ADGRB3: variants seen among roughly 807,000 people sequenced by gnomAD.
ADGRB3 encodes adhesion G protein-coupled receptor B3, also known as brain-specific angiogenesis inhibitor 3.
ADGRB3 carries 37 observed loss-of-function variants against 193.4 expected under a neutral mutation model. The ratio of observed to expected loss-of-function variants is 0.19; its 90% CI spans 0.15 to 0.25. The LOEUF (loss-of-function observed/expected upper bound fraction) is 0.25, where lower values mean the gene tolerates loss of function less well. Ranked by LOEUF, ADGRB3 falls within the 10% of genes least tolerant of loss-of-function variation. The pLI is 1.00. For synonymous variants in ADGRB3, 690 were observed against 644.2 expected (o/e 1.07, Z -1.08); for missense variants, 1,637 against 1,852.9 (o/e 0.88, Z 2.14).
chr6:69,288,549 A>G (rs1767600687), intron 20 of ADGRB3, among the ~76,000 whole-genome samples: 1 of 152,174 alleles, frequency 6.6e-6, no homozygotes, highest in African/African-American at 2.4e-5. Context: ...TTTATTGCTT[A>G]CCATTCTCCA....
chr6:68,724,897 G>C (rs1765646858), intron 3 of ADGRB3, among the ~76,000 whole-genome samples: 1 of 151,636 alleles, frequency 6.6e-6, no homozygotes, highest in African/African-American at 2.4e-5. Context: ...TTATAACAAA[G>C]GCATGTTTGC....
At chr6:68,837,782 G>A (rs113467906) in intron 3 of ADGRB3, among the ~76,000 whole-genome samples, 345 of 152,282 alleles carry the variant, frequency 2.3e-3, no homozygotes, top group African/African-American at 7.9e-3. Context: ...TTCCCTCTGA[G>A]TGGATTTATC....
chr6:69,263,638 AAGTC>A (rs370724151), intron 20 of ADGRB3, among the ~76,000 whole-genome samples: 70 of 152,110 alleles, frequency 4.6e-4, no homozygotes, highest in African/African-American at 1.7e-3. Context: ...TTGAATTTCC[AAGTC>A]TGTCTTAAAT....
chr6:69,031,519 C>CTATT (rs1554248703), intron 13 of ADGRB3, among the ~76,000 whole-genome samples: 1 of 21,268 alleles, frequency 4.7e-5, no homozygotes, highest in Non-Finnish European at 1.1e-4. Context: ...TTTGAGTTGT[C>CTATT]TCTTTCTTTC....
chr6:69,245,450 C>A (rs902613024), intron 20 of ADGRB3, among the ~76,000 whole-genome samples: 1 of 151,962 alleles, frequency 6.6e-6, no homozygotes, highest in Non-Finnish European at 1.5e-5. Context: ...AGGAATAAAT[C>A]GTACAAGAGA....
chr6:69,191,609 C>T (rs1765189252), intron 17 of ADGRB3, among the ~76,000 whole-genome samples: 1 of 151,980 alleles, frequency 6.6e-6, no homozygotes, highest in South Asian at 2.1e-4. Context: ...ATCTAATGGA[C>T]AAAGCTTTGG....
chr6:69,294,459 G>A (rs1260718374), intron 20 of ADGRB3, among the ~76,000 whole-genome samples: 2 of 151,978 alleles, frequency 1.3e-5, no homozygotes, highest in African/African-American at 2.4e-5. Flanking sequence ...AAGCAGAGGG[G>A]CAAGAAAGTG....
At chr6:69,357,699 A>G (rs1460833934) in intron 28 of ADGRB3, among the ~76,000 whole-genome samples, 5 of 151,866 alleles carry the variant, frequency 3.3e-5, no homozygotes, top group Non-Finnish European at 7.4e-5. Context: ...TAATCTAAAT[A>G]CTCTATGTAG....
At chr6:68,847,647 C>T (rs1454164402) in intron 3 of ADGRB3, among the ~76,000 whole-genome samples, 2 of 152,134 alleles carry the variant, frequency 1.3e-5, no homozygotes, top group Non-Finnish European at 2.9e-5. Context: ...ATGAGACCTC[C>T]CCAGCCATGT....
intron 3 of ADGRB3, among the ~76,000 whole-genome samples, chr6:68,839,679 C>T (rs1258442514): frequency 6.6e-6 from 1 of 152,152 alleles, no homozygotes; most frequent in Non-Finnish European, 1.5e-5. Flanking sequence ...TGATCATCCT[C>T]CTTGCAGAAC....
intron 3 of ADGRB3, among the ~76,000 whole-genome samples, chr6:68,874,288 G>A (rs1765531887): frequency 6.6e-6 from 1 of 152,030 alleles, no homozygotes; most frequent in South Asian, 2.1e-4. Context: ...GAAATAACAT[G>A]TTATGACCTT....
intron 23 of ADGRB3, 119 bp downstream of exon 23, chr6:69,330,691 G>A: frequency 1.5e-6 from 1 of 650,332 alleles, no homozygotes; most frequent in South Asian, 3.0e-5. Flanking sequence ...AAAGTTCAAT[G>A]GACTATTATT....
At chr6:68,674,680 A>G (rs1769044803) in intron 3 of ADGRB3, among the ~76,000 whole-genome samples, 1 of 152,184 alleles carries the variant, frequency 6.6e-6, no homozygotes, top group Admixed American at 6.5e-5. Flanking sequence ...ACATGTTTAG[A>G]TGTGCTGAAA....
rs1031119790 is a variant in ADGRB3 at position 69,175,278 on chromosome 6, C to G, written c.2481-58012C>G. Among the ~76,000 whole-genome samples, 4 of 152,140 alleles carry G rather than the reference C, an allele frequency of 2.6e-5. No individual in the cohort carries two copies. In the East Asian group the frequency reaches 7.7e-4, roughly 29 times the overall value. ...GACTTCTAGAAGAATTTAGGTCTTA[C>G]ATGTAAGTGTTTAACCCATCTTGAG... On this transcript the variant is annotated intron_variant, in intron 17 of 31. Transcript: ENST00000370598.
At chr6:68,783,538 G>A (rs917467297) in intron 3 of ADGRB3, among the ~76,000 whole-genome samples, 1 of 151,612 alleles carries the variant, frequency 6.6e-6, no homozygotes, top group Non-Finnish European at 1.5e-5. Context: ...CAGAATATCA[G>A]TATCAACACT....
intron 26 of ADGRB3, among the ~76,000 whole-genome samples, chr6:69,343,291 G>A (rs965809088): frequency 9.3e-5 from 14 of 149,800 alleles, no homozygotes; most frequent in Non-Finnish European, 1.5e-4. Flanking sequence ...CCACTAACTC[G>A]TCATCTAGCA....
chr6:68,848,162 G>T (rs1179139599), intron 3 of ADGRB3, among the ~76,000 whole-genome samples: 2 of 151,788 alleles, frequency 1.3e-5, no homozygotes, highest in African/African-American at 4.8e-5. Flanking sequence ...ATAAAAATAA[G>T]AAATTGTGAC....
chr6:68,872,399 A>G (rs183121256), intron 3 of ADGRB3, among the ~76,000 whole-genome samples: 2 of 152,248 alleles, frequency 1.3e-5, no homozygotes, highest in African/African-American at 4.8e-5. Flanking sequence ...AATTGTCAAA[A>G]AAGGTATTAT....
intron 3 of ADGRB3, among the ~76,000 whole-genome samples, chr6:68,814,824 G>T (rs1423407757): frequency 6.6e-6 from 1 of 152,138 alleles, no homozygotes; most frequent in African/African-American, 2.4e-5. Context: ...ATGCAAGGCT[G>T]TTTCAACATA....
Sources: allele counts gnomAD v4.1 joint callset (sites outside exome capture counted in the v4.1 genomes callset), GRCh38; gene constraint gnomAD v4.1.1; transcripts MANE v1.5; gene names NCBI Gene and HGNC (gene_info 2026-07-23, HGNC 2026-07-21).